The following ADD2 variants were observed in gnomAD, a reference collection of about 807,000 sequenced individuals.
ADD2 encodes beta-adducin.
ADD2 carries 23 observed loss-of-function variants against 83.0 expected under a neutral mutation model. That is an observed-to-expected ratio of 0.28 (90% CI 0.20 to 0.39). The LOEUF (loss-of-function observed/expected upper bound fraction) is 0.39. Among genes scored for constraint, ADD2 ranks in the 10% least tolerant of loss-of-function variants. ADD2 has a pLI of 1.00. For missense variants in ADD2, 758 were observed against 944.9 expected, an observed-to-expected ratio of 0.80 and a Z score of 2.59; for synonymous variants, 375 against 375.4, an observed-to-expected ratio of 1.00 and a Z score of 0.01.
chr2:70,720,691 G>A (rs1672691437), intron 1 of ADD2, among the ~76,000 whole-genome samples: 1 of 152,200 alleles, frequency 6.6e-6, no homozygotes, highest in South Asian at 2.1e-4. Flanking sequence ...ATATTTCTGT[G>A]TATGTTTGCA....
chr2:70,685,358 C>T (rs1455322551), intron 9 of ADD2, among the ~76,000 whole-genome samples: 1 of 152,162 alleles, frequency 6.6e-6, no homozygotes, highest in Non-Finnish European at 1.5e-5. Context: ...TCCCAGGTGA[C>T]CCCCGTCACC....
chr2:70,676,974 A>T lies in ADD2; in HGVS notation c.1504-89T>A. On this transcript the variant is annotated intron_variant, in intron 12 of 15. Coordinates refer to ENST00000264436, the MANE Select transcript of ADD2 (RefSeq NM_001617.4). This position sits in a 1 kb window ranked among gnomAD's most constrained non-coding sequence, Gnocchi z 4.8. ...GGGCATACGGGTGTGCCTGGGGTCT[A>T]GAAAGGTCCTCTAGCGGTGTGGGAG... 3.9e-6 allele frequency: 6 copies of T among 1,540,062 alleles called. No individual in the cohort carries two copies. The South Asian group carries it at 7.5e-5, about 19-fold the overall frequency.
chr2:70,675,117 A>G, intron 13 of ADD2: 7 of 1,117,132 alleles, frequency 6.3e-6, no homozygotes, highest in Non-Finnish European at 7.7e-6. Context: ...CTTTATTGCA[A>G]TCCCTTCTAT....
chr2:70,727,521 A>G (rs934045329), intron 1 of ADD2, among the ~76,000 whole-genome samples: 5 of 151,838 alleles, frequency 3.3e-5, no homozygotes, highest in Admixed American at 2.6e-4. Flanking sequence ...GTATTTCCGG[A>G]TTTTCCACTC....
intron 4 of ADD2, 58 bp downstream of exon 4, chr2:70,704,263 T>TCCCCCCCCCCCCCCACCCCC: frequency 1.1e-6 from 1 of 913,238 alleles, no homozygotes; most frequent in Non-Finnish European, 1.7e-6. Flanking sequence ...CTCCCTCTCT[T>TCCCCCCCCCCCCCCACCCCC]CCCCACCCCA....
At chr2:70,743,245 C>A (rs1399740588) in intron 1 of ADD2, among the ~76,000 whole-genome samples, 11 of 152,196 alleles carry the variant, frequency 7.2e-5, no homozygotes, top group African/African-American at 2.4e-4. Flanking sequence ...TGTATCACCC[C>A]ACACAGTACT....
intron 1 of ADD2, among the ~76,000 whole-genome samples, chr2:70,742,448 T>G (rs1329436044): frequency 6.6e-6 from 1 of 152,136 alleles, no homozygotes; most frequent in East Asian, 1.9e-4. Context: ...TATTTATACA[T>G]ATTATTTATT....
intron 4 of ADD2, among the ~76,000 whole-genome samples, chr2:70,698,792 G>A (rs1321288448): frequency 3.3e-5 from 5 of 152,032 alleles, no homozygotes; most frequent in Non-Finnish European, 4.4e-5. Context: ...TAAATGTCAC[G>A]TTTATAAATC....
chr2:70,723,350 T>G (rs1221878034), intron 1 of ADD2, among the ~76,000 whole-genome samples: 1 of 152,076 alleles, frequency 6.6e-6, no homozygotes, highest in African/African-American at 2.4e-5. Flanking sequence ...GTGCTACTAT[T>G]AAATCATTCC....
rs539225297 is a variant in ADD2 at position 70,713,535 on chromosome 2, C to T, written c.-153-351G>A. Among the ~76,000 whole-genome samples the T allele has an allele frequency of 1.5e-3, 229 of 152,188 alleles. 1 individual carries two copies. The highest frequency in any genetic ancestry group is 5.2e-3 in the African/African-American group (217 of 41,532). On this transcript the variant is annotated intron_variant, in intron 1 of 15. Coordinates refer to ENST00000264436, the MANE Select transcript of ADD2 (RefSeq NM_001617.4). ...CTGAGGCAGGAGAATTGCTTGAATC[C>T]GGGAGGTGGAGGTTGCAGTGAGCCA...
chr2:70,682,902 A>G (rs1400597739), intron 10 of ADD2, among the ~76,000 whole-genome samples: 1 of 152,092 alleles, frequency 6.6e-6, no homozygotes, highest in Non-Finnish European at 1.5e-5. Flanking sequence ...TAGTAGTATT[A>G]TGTGTTTTCT....
intron 2 of ADD2, among the ~76,000 whole-genome samples, chr2:70,708,803 G>C (rs1271685746): frequency 2.0e-5 from 3 of 152,208 alleles, no homozygotes; most frequent in Non-Finnish European, 4.4e-5. Context: ...CTTGTGACAA[G>C]TAGCTGAGTC....
At chr2:70,747,503 T>C (rs1231799503) in intron 1 of ADD2, among the ~76,000 whole-genome samples, 1 of 151,284 alleles carries the variant, frequency 6.6e-6, no homozygotes, top group Admixed American at 6.6e-5. Context: ...GCGTGTGCTC[T>C]CCCATCATGC....
At chr2:70,721,868 T>C (rs1274172995) in intron 1 of ADD2, among the ~76,000 whole-genome samples, 4 of 152,192 alleles carry the variant, frequency 2.6e-5, no homozygotes, top group African/African-American at 9.7e-5. Flanking sequence ...CATTTCTGGA[T>C]GGTGGAGTGA....
At chr2:70,765,213 C>G (rs562183662) in intron 1 of ADD2, among the ~76,000 whole-genome samples, 1 of 151,988 alleles carries the variant, frequency 6.6e-6, no homozygotes, top group Non-Finnish European at 1.5e-5. Flanking sequence ...ATTAGCCGGG[C>G]GTGGTGACAC....
At chr2:70,688,170 T>A in intron 8 of ADD2, 48 bp from the exon 9 acceptor site, 1 of 1,487,918 alleles carries the variant, frequency 6.7e-7, no homozygotes, top group Non-Finnish European at 9.3e-7. Context: ...CTCTAAACTT[T>A]AGTTAAGAGG....
chr2:70,765,884 A>G (rs1189571465), intron 1 of ADD2, among the ~76,000 whole-genome samples: 3 of 152,184 alleles, frequency 2.0e-5, no homozygotes, highest in African/African-American at 7.2e-5. Context: ...GAATCCCTGT[A>G]AACTATCTTA....
chr2:70,692,773 T>C (rs1028271112), intron 6 of ADD2, among the ~76,000 whole-genome samples: 2 of 152,102 alleles, frequency 1.3e-5, no homozygotes, highest in Non-Finnish European at 2.9e-5. Flanking sequence ...GCAGGAGAAA[T>C]GCGAGAGCAG....
chr2:70,753,040 A>G (rs142830327), intron 1 of ADD2, among the ~76,000 whole-genome samples: 174 of 152,328 alleles, frequency 1.1e-3, no homozygotes, highest in African/African-American at 4.0e-3. Context: ...GTTCACCAGA[A>G]AGAGTGTATA....
Sources: gnomAD v4.1 joint callset for allele counts (sites outside exome capture counted in the v4.1 genomes callset) on GRCh38, gnomAD v4.1.1 for gene constraint, Gnocchi (gnomAD v3.1) non-coding constraint, MANE v1.5 for transcripts, NCBI Gene and HGNC (gene_info 2026-07-23, HGNC 2026-07-21) for gene names.